SERINC1: variants seen among roughly 807,000 people sequenced by gnomAD.
The protein encoded by SERINC1 is serine incorporator 1, also known as tumor differentially expressed protein 2.
In SERINC1, 38 loss-of-function variants were observed where a neutral mutation model predicts 52.9. That is an observed-to-expected ratio of 0.72 (90% CI 0.55 to 0.94). The LOEUF is 0.94. SERINC1 is among the 40% of genes least tolerant of loss of function. The pLI, the probability that SERINC1 is intolerant of heterozygous loss-of-function variation, is 0.00. For missense variants in SERINC1, 471 were observed against 533.9 expected (o/e 0.88, Z 1.16); for synonymous variants, 198 against 183.1 (o/e 1.08, Z -0.66).
chr6:122,449,741 G>A (rs1774871615), intron 7 of SERINC1, among the ~76,000 whole-genome samples: 3 of 152,200 alleles, frequency 2.0e-5, no homozygotes, highest in Admixed American at 6.5e-5. Context: ...CACTGGTCAG[G>A]CATGGTTGCT....
chr6:122,463,146 TCATGCAAATATA>T (rs1775134744), intron 1 of SERINC1, among the ~76,000 whole-genome samples: 1 of 152,184 alleles, frequency 6.6e-6, no homozygotes, highest in African/African-American at 2.4e-5. Context: ...AGAAATAGAT[TCATGCAAATATA>T]ATCAAAGGAT....
chr6:122,461,783 T>C (rs902903140), intron 1 of SERINC1, among the ~76,000 whole-genome samples: 3 of 151,794 alleles, frequency 2.0e-5, no homozygotes, highest in African/African-American at 4.8e-5. Flanking sequence ...ACCAGAAATG[T>C]TGAAGGAAAT....
In SERINC1 at chr6:122,451,650, TA is replaced by T; in HGVS notation, c.850+13del. 3.1e-6 allele frequency: 3 copies of T among 976,802 alleles called. No homozygotes were observed. The highest frequency in any genetic ancestry group is 1.6e-5 in the South Asian group (1 of 63,704). The allele number at this position is 976,802 out of a possible 1,614,324, so 60.5% of individuals were successfully genotyped here. ...GCAGAACCTTTAGGAACATGTAATA[TA>T]AATAAAACACACCTGGTTCATTGGT... On this transcript the variant is annotated intron_variant, in intron 7 of 9. Coordinates refer to ENST00000339697, the MANE Select transcript of SERINC1 (RefSeq NM_020755.4).
Position 122,447,480 on chromosome 6 carries a change from A to T in SERINC1, c.851-215T>A, listed in dbSNP as rs917901132. On this transcript the variant is annotated intron_variant, in intron 7 of 9. Coordinates refer to ENST00000339697, the MANE Select transcript of SERINC1 (RefSeq NM_020755.4). The stretch of plus-strand genomic sequence containing the variant: ...CTGATTTTATAGAAGTACCTGGAAA[A>T]GTTAAATCATTTAATTTTCAACAAC... Among the ~76,000 whole-genome samples the T allele has an allele frequency of 4.6e-5, 7 of 152,326 alleles. No individual in the cohort carries two copies. The South Asian group carries it at 1.4e-3, about 32-fold the overall frequency.
At position 122,451,722 on chromosome 6, in the gene SERINC1, A is replaced by G. The variant is rs772778410; in HGVS notation, c.792T>C (p.Ser264=). 8.6e-7 allele frequency: 1 copy of G among 1,158,432 alleles called. No individual in the cohort carries two copies. The highest frequency in any genetic ancestry group is 2.6e-5 in the South Asian group (1 of 37,788). The allele number at this position is 1,158,432 out of a possible 1,614,324, so 71.8% of individuals were successfully genotyped here. A position where few individuals can be genotyped will look rare whatever the true frequency, so the allele number is the denominator to read the frequency against. ...ESQPRSGLLQ[S]SVITVYTMYL... ...ACATTGTGTAGACTGTAATTACTGA[A>G]GACTGTAACAAACCAGATCTTGGTT... Residue 264 remains serine (S), a synonymous_variant, in exon 7 of 10, where the codon TCT becomes TCC. Transcript: ENST00000339697.
At chr6:122,454,288 T>C in intron 3 of SERINC1, 58 bp from the exon 4 acceptor site, 6 of 883,930 alleles carry the variant, frequency 6.8e-6, no homozygotes, top group Admixed American at 2.4e-5. Flanking sequence ...TAATTTCATA[T>C]ATGAAATCAT....
chr6:122,452,261 T>C (rs1198613514), intron 5 of SERINC1, among the ~76,000 whole-genome samples: 1 of 152,212 alleles, frequency 6.6e-6, no homozygotes, highest in Admixed American at 6.5e-5. Context: ...TTTTTACACA[T>C]AGCTATTATG....
chr6:122,456,639 A>G lies in SERINC1; in HGVS notation c.213T>C (p.Phe71=), dbSNP rs767762346. ...MEEQLNKIPG[F]CENEKGVVPC... ...GGACAACACCTTTCTCATTCTCACA[A>G]AATCCAGGAATCTAGAAAAACAAAA... The change falls in exon 3 of 10, where the codon TTT becomes TTC. Residue 71 remains phenylalanine (F), a synonymous_variant. Transcript: ENST00000339697. The G allele has an allele frequency of 5.1e-6, 8 of 1,578,600 alleles. No individual in the cohort carries two copies. Among genetic ancestry groups the G allele is most frequent in the Non-Finnish European group, 6.8e-6 (8 of 1,168,770 alleles).
chr6:122,444,963 A>G lies in SERINC1; in HGVS notation c.*81T>C, dbSNP rs1774758260. Reference sequence around the variant, plus strand: ...GAGAAGTTACATGGGAAGCAAAAACATACACAACTTTACAAAAGTTGGGAA... The same window carrying G: ...GAGAAGTTACATGGGAAGCAAAAACGTACACAACTTTACAAAAGTTGGGAA... On this transcript the variant is annotated 3_prime_UTR_variant, in exon 10 of 10. Transcript: ENST00000339697. 2 of 1,413,736 alleles carry G rather than the reference A, an allele frequency of 1.4e-6. No homozygotes were observed. Among genetic ancestry groups the G allele is most frequent in the Non-Finnish European group, 9.7e-7 (1 of 1,030,062 alleles). The allele number at this position is 1,413,736 out of a possible 1,614,324, so 87.6% of individuals were successfully genotyped here. A position where few individuals can be genotyped will look rare whatever the true frequency, so the allele number is the denominator to read the frequency against.
chr6:122,445,895 A>AAAAAAAAAAAAAAAAAAAAAAAAC (rs1321761456), intron 9 of SERINC1, among the ~76,000 whole-genome samples: 1 of 149,260 alleles, frequency 6.7e-6, no homozygotes, highest in Non-Finnish European at 1.5e-5. Context: ...AAAAAAAAAA[A>AAAAAAAAAAAAAAAAAAAAAAAAC]AAAAAGAACC....
chr6:122,469,801 A>G (rs1016607093), intron 1 of SERINC1, among the ~76,000 whole-genome samples: 4 of 152,098 alleles, frequency 2.6e-5, no homozygotes, highest in African/African-American at 9.7e-5. Context: ...CAAGTGATCC[A>G]TCCACCTCAT....
At chr6:122,467,144 T>C (rs1775204188) in intron 1 of SERINC1, among the ~76,000 whole-genome samples, 1 of 152,160 alleles carries the variant, frequency 6.6e-6, no homozygotes, top group Non-Finnish European at 1.5e-5. Flanking sequence ...ATGTACATCC[T>C]CATTAGAGGA....
At chr6:122,446,047 A>C (rs1284153766) in intron 9 of SERINC1, among the ~76,000 whole-genome samples, 1 of 151,878 alleles carries the variant, frequency 6.6e-6, no homozygotes, top group African/African-American at 2.4e-5. Flanking sequence ...GCTGATACTG[A>C]GAGCCGCCTT....
In SERINC1 at chr6:122,458,771, G is replaced by C. The variant is rs1775047772; in HGVS notation, c.40-90C>G. Reference sequence around the variant, plus strand: ...TACAATGAAAATTGACATTCTATCTGTTAAAAAAGAAAAAAGACTAAAAGT... The same window carrying C: ...TACAATGAAAATTGACATTCTATCTCTTAAAAAAGAAAAAAGACTAAAAGT... On this transcript the variant is annotated intron_variant, in intron 1 of 9. Coordinates refer to ENST00000339697, the MANE Select transcript of SERINC1 (RefSeq NM_020755.4). 5 of 947,082 alleles carry C rather than the reference G, an allele frequency of 5.3e-6. No homozygotes were observed. In the East Asian group the frequency reaches 1.4e-4, roughly 26 times the overall value. 58.7% of individuals were successfully genotyped at this position (947,082 alleles called of 1,614,324 possible). A position where few individuals can be genotyped will look rare whatever the true frequency, so the allele number is the denominator to read the frequency against.
chr6:122,444,611 T>C lies in SERINC1; in HGVS notation c.*433A>G, dbSNP rs962677714. On this transcript the variant is annotated 3_prime_UTR_variant, in exon 10 of 10. Coordinates refer to ENST00000339697, the MANE Select transcript of SERINC1 (RefSeq NM_020755.4). ...ACAACTGGCATTTAAGTGACTTGTT[T>C]ATAAATTTTAAAATAAACCATGTTC... The C allele has an allele frequency of 6.4e-6, 1 of 155,160 alleles. No homozygotes were observed. Among genetic ancestry groups the C allele is most frequent in the African/African-American group, 2.4e-5 (1 of 41,482 alleles). The allele number at this position is 155,160 out of a possible 1,614,324, so 9.6% of individuals were successfully genotyped here.
rs1774705006 is a variant in SERINC1 at position 122,443,576 on chromosome 6, G to T, written c.*1468C>A. 1 of 152,126 alleles carries T rather than the reference G, an allele frequency of 6.6e-6. No individual in the cohort carries two copies. The highest frequency in any genetic ancestry group is 1.5e-5 in the Non-Finnish European group (1 of 68,018). 9.4% of individuals were successfully genotyped at this position (152,126 alleles called of 1,614,324 possible). A position where few individuals can be genotyped will look rare whatever the true frequency, so the allele number is the denominator to read the frequency against. On this transcript the variant is annotated 3_prime_UTR_variant, in exon 10 of 10. Coordinates refer to ENST00000339697, the MANE Select transcript of SERINC1 (RefSeq NM_020755.4). ...TACTGCTTGATTTTCAGGTTGAAAG[G>T]TTACAATAATCTATATATTTCAATT... is the stretch of plus-strand genomic sequence containing the variant.
At position 122,458,501 on chromosome 6, in the gene SERINC1, A is replaced by C; in HGVS notation, c.201+19T>G. ...ACCCTATAGCCTCAGTTAATCAATA[A>C]ATAAGAAACGAGACTAACCTTATTC... On this transcript the variant is annotated intron_variant, in intron 2 of 9. Transcript: ENST00000339697. 6.3e-7 allele frequency: 1 copy of C among 1,589,724 alleles called. No individual in the cohort carries two copies. Among genetic ancestry groups the C allele is most frequent in the South Asian group, 1.1e-5 (1 of 89,888 alleles).
chr6:122,449,425 C>T (rs545950796), intron 7 of SERINC1, among the ~76,000 whole-genome samples: 7 of 152,316 alleles, frequency 4.6e-5, no homozygotes, highest in African/African-American at 1.7e-4. Flanking sequence ...GCAAAGCAGT[C>T]TTATTGCTGA....
At chr6:122,450,445 G>A (rs1774885589) in intron 7 of SERINC1, among the ~76,000 whole-genome samples, 1 of 152,296 alleles carries the variant, frequency 6.6e-6, no homozygotes. Context: ...TGATAGAGAT[G>A]TACAGGGAGA....
Sources: allele counts gnomAD v4.1 joint callset (sites outside exome capture counted in the v4.1 genomes callset), GRCh38; gene constraint gnomAD v4.1.1; transcripts MANE v1.5; gene names NCBI Gene and HGNC (gene_info 2026-07-23, HGNC 2026-07-21).